The following DNMBP variants were observed in gnomAD, a reference collection of about 807,000 sequenced individuals.
The protein encoded by DNMBP is dynamin binding protein.
Under a neutral mutation model 150.0 loss-of-function variants are expected in DNMBP, and 87 were observed. The observed-to-expected ratio is 0.58, with a 90% CI of 0.49 to 0.69. The LOEUF (loss-of-function observed/expected upper bound fraction) is 0.69. Ranked by LOEUF, DNMBP falls within the 30% of genes least tolerant of loss-of-function variation. The pLI, the probability that DNMBP is intolerant of heterozygous loss-of-function variation, is 0.00. For missense variants in DNMBP, 1,774 were observed against 1,949.0 expected, an observed-to-expected ratio of 0.91 and a Z score of 1.69; for synonymous variants, 711 against 750.4, an observed-to-expected ratio of 0.95 and a Z score of 0.86.
intron 4 of DNMBP, among the ~76,000 whole-genome samples, chr10:99,938,279 C>A (rs2040255652): frequency 6.6e-6 from 1 of 152,132 alleles, no homozygotes; most frequent in Admixed American, 6.5e-5. Flanking sequence ...TGTGGTGGCT[C>A]AGGCCTGTAA....
chr10:99,907,474 C>T (rs1413822990), intron 6 of DNMBP, among the ~76,000 whole-genome samples: 6 of 151,104 alleles, frequency 4.0e-5, no homozygotes, highest in African/African-American at 1.5e-4. Flanking sequence ...GCGATTTCAG[C>T]TCACTGCAGC....
At chr10:99,933,928 G>C (rs1369920902) in intron 4 of DNMBP, among the ~76,000 whole-genome samples, 2 of 152,160 alleles carry the variant, frequency 1.3e-5, no homozygotes, top group Non-Finnish European at 2.9e-5. Context: ...AGTAGAGACA[G>C]GGTTTCACCG....
intron 1 of DNMBP, among the ~76,000 whole-genome samples, chr10:100,001,212 C>A (rs1589456028): frequency 1.9e-5 from 2 of 103,034 alleles, no homozygotes; most frequent in East Asian, 2.9e-4. Context: ...GCCTGGAGGA[C>A]AGAGCAAGAC....
Position 99,877,074 on chromosome 10 carries a change from G to T in DNMBP, c.*77C>A. On this transcript the variant is annotated 3_prime_UTR_variant, in exon 17 of 17. Transcript: ENST00000324109. ...CAGGGCCTGTGTCTCAGGAGCAGGC[G>T]CCCTCTCGGTGGGCCGCCAGAACCC... 3 of 1,357,016 alleles carry T rather than the reference G, an allele frequency of 2.2e-6. No individual in the cohort carries two copies. Among genetic ancestry groups the T allele is most frequent in the Non-Finnish European group, 3.0e-6 (3 of 986,680 alleles). The allele number at this position is 1,357,016 out of a possible 1,614,324, so 84.1% of individuals were successfully genotyped here.
chr10:99,914,309 C>T (rs2039937434), intron 4 of DNMBP, among the ~76,000 whole-genome samples: 2 of 152,182 alleles, frequency 1.3e-5, no homozygotes, highest in Non-Finnish European at 1.5e-5. Flanking sequence ...ATTATCTCTT[C>T]CTTTTCTACC....
At chr10:99,958,990 T>G (rs949874283) in intron 3 of DNMBP, among the ~76,000 whole-genome samples, 5 of 152,228 alleles carry the variant, frequency 3.3e-5, no homozygotes, top group Non-Finnish European at 4.4e-5. Flanking sequence ...TTTTCCTGTC[T>G]CCCATTGCAT....
chr10:100,003,178 T>C (rs918671564), intron 1 of DNMBP, among the ~76,000 whole-genome samples: 1 of 152,034 alleles, frequency 6.6e-6, no homozygotes, highest in Admixed American at 6.6e-5. Context: ...AACCCCATCT[T>C]TACCAAAAAT....
intron 4 of DNMBP, among the ~76,000 whole-genome samples, chr10:99,911,272 T>C (rs927124731): frequency 1.3e-5 from 2 of 151,956 alleles, no homozygotes; most frequent in African/African-American, 4.8e-5. Flanking sequence ...CCCCGCACTT[T>C]GGGAGTCTGA....
intron 12 of DNMBP, 115 bp from the exon 13 acceptor site, chr10:99,886,747 G>C (rs1447513413): frequency 2.1e-5 from 19 of 901,996 alleles, no homozygotes; most frequent in Non-Finnish European, 3.2e-5. Context: ...TTCGTTTCTA[G>C]TACACAAGCT....
intron 1 of DNMBP, among the ~76,000 whole-genome samples, chr10:99,997,395 GGAACATTTT>G (rs2040961311): frequency 6.6e-6 from 1 of 152,132 alleles, no homozygotes; most frequent in Non-Finnish European, 1.5e-5. Context: ...CCTGACACCT[GGAACATTTT>G]GAAAGACTCC....
intron 4 of DNMBP, among the ~76,000 whole-genome samples, chr10:99,936,840 G>A (rs942009814): frequency 6.6e-6 from 1 of 152,048 alleles, no homozygotes; most frequent in Non-Finnish European, 1.5e-5. Flanking sequence ...TAGTAGCTGG[G>A]ACTACAGGCA....
At chr10:99,966,952 CTAATT>C (rs987616491) in intron 3 of DNMBP, among the ~76,000 whole-genome samples, 9 of 150,658 alleles carry the variant, frequency 6.0e-5, no homozygotes, top group Non-Finnish European at 1.0e-4. Flanking sequence ...CCATGCCTGG[CTAATT>C]TAATTTTTTT....
In DNMBP at chr10:99,886,591, C is replaced by A. The variant is rs1233150023; in HGVS notation, c.3327G>T (p.Gln1109His). The A allele has an allele frequency of 1.9e-6, 3 of 1,614,122 alleles. No homozygotes were observed. The Admixed American group carries it at 5.0e-5, about 27-fold the overall frequency. The change falls in exon 13 of 17, where the codon CAG (glutamine) becomes CAT (histidine). Residue 1109 changes from glutamine to histidine, a missense_variant. By Grantham distance (24) the Gln-to-His change is conservative. This residue lies in a region of DNMBP where 1,430 missense variants were observed against 1,492.5 expected (regional missense o/e 0.96). Transcript: ENST00000324109. Reference protein sequence around the residue: ...TERLVISPLNQLLSMFTGPHK... With the variant: ...TERLVISPLNHLLSMFTGPHK... ...GGGGCCCTGTAAACATGCTCAGTAA[C>A]TGATTTAAGGGGGAGATGACAAGCC...
intron 3 of DNMBP, among the ~76,000 whole-genome samples, chr10:99,964,580 A>G (rs543527832): frequency 1.8e-4 from 27 of 150,348 alleles, no homozygotes; most frequent in African/African-American, 6.4e-4. Context: ...CAGTTTAAAT[A>G]TAACTCGAGG....
intron 3 of DNMBP, among the ~76,000 whole-genome samples, chr10:99,967,650 G>A (rs2040632483): frequency 6.6e-6 from 1 of 150,964 alleles, no homozygotes; most frequent in African/African-American, 2.4e-5. Flanking sequence ...GGTTAGAGAA[G>A]TTTGATAGGT....
intron 10 of DNMBP, among the ~76,000 whole-genome samples, chr10:99,895,902 A>G (rs1186869452): frequency 1.3e-5 from 2 of 152,180 alleles, no homozygotes; most frequent in Non-Finnish European, 2.9e-5. Context: ...TCGCCGATAA[A>G]CTGTTTTTCA....
intron 4 of DNMBP, 92 bp from the exon 5 acceptor site, chr10:99,909,238 C>G: frequency 1.0e-6 from 1 of 962,270 alleles, no homozygotes; most frequent in Non-Finnish European, 1.5e-6. Context: ...TTCCTGAGAA[C>G]CAAAGGTCTC....
intron 6 of DNMBP, among the ~76,000 whole-genome samples, chr10:99,905,201 T>A (rs1164389820): frequency 6.6e-6 from 1 of 152,212 alleles, no homozygotes; most frequent in Non-Finnish European, 1.5e-5. Flanking sequence ...ACTCAATGTG[T>A]GTATCTCCTT....
intron 4 of DNMBP, among the ~76,000 whole-genome samples, chr10:99,918,212 A>G (rs982245272): frequency 1.3e-5 from 2 of 151,606 alleles, no homozygotes; most frequent in African/African-American, 4.8e-5. Flanking sequence ...CCCAACCCCC[A>G]CTGCTTTTCC....
Sources: gnomAD v4.1 joint callset for allele counts (sites outside exome capture counted in the v4.1 genomes callset) on GRCh38, gnomAD v4.1.1 for gene constraint, gnomAD v4.1.1 regional missense constraint, MANE v1.5 for transcripts, NCBI Gene and HGNC (gene_info 2026-07-23, HGNC 2026-07-21) for gene names.